Variants in STXBP5L observed in about 807,000 individuals in gnomAD.
STXBP5L encodes the protein syntaxin-binding protein 5-like.
Under a neutral mutation model 144.5 loss-of-function variants are expected in STXBP5L, and 65 were observed. The observed-to-expected ratio is 0.45, with a 90% CI of 0.37 to 0.55. The LOEUF (loss-of-function observed/expected upper bound fraction) is 0.55, where lower values mean the gene tolerates loss of function less well. Among genes scored for constraint, STXBP5L ranks in the 20% least tolerant of loss-of-function variants. The pLI, the probability that STXBP5L is intolerant of heterozygous loss-of-function variation, is 0.00. For missense variants in STXBP5L, 1,298 were observed against 1,405.5 expected, an observed-to-expected ratio of 0.92 and a Z score of 1.22; for synonymous variants, 505 against 469.6, an observed-to-expected ratio of 1.08 and a Z score of -0.97.
chr3:121,008,288 C>T (rs1315023684), intron 3 of STXBP5L, among the ~76,000 whole-genome samples: 4 of 151,956 alleles, frequency 2.6e-5, no homozygotes, highest in African/African-American at 7.2e-5. Context: ...CCTTTGCCAG[C>T]TGGTCTAGTG....
At chr3:121,092,543 G>T (rs1280197780) in intron 5 of STXBP5L, among the ~76,000 whole-genome samples, 3 of 152,154 alleles carry the variant, frequency 2.0e-5, no homozygotes, top group Non-Finnish European at 4.4e-5. Flanking sequence ...ATTGGGAATG[G>T]GAGTTCATTC....
intron 20 of STXBP5L, among the ~76,000 whole-genome samples, chr3:121,330,605 C>T (rs1037566046): frequency 2.6e-5 from 4 of 152,140 alleles, no homozygotes; most frequent in Admixed American, 6.5e-5. Flanking sequence ...CCCTGGGTAA[C>T]TAACATTAGA....
At chr3:120,998,522 T>C (rs1321679776) in intron 3 of STXBP5L, among the ~76,000 whole-genome samples, 1 of 152,082 alleles carries the variant, frequency 6.6e-6, no homozygotes, top group African/African-American at 2.4e-5. Flanking sequence ...CCTAATGCTA[T>C]CCCTCCCCTA....
intron 20 of STXBP5L, among the ~76,000 whole-genome samples, chr3:121,336,612 A>T (rs2044515884): frequency 6.6e-6 from 1 of 152,126 alleles, no homozygotes; most frequent in African/African-American, 2.4e-5. Context: ...AAAATAACAG[A>T]TGCTGCAAGG....
intron 15 of STXBP5L, among the ~76,000 whole-genome samples, chr3:121,252,143 T>C (rs1440684951): frequency 6.6e-6 from 1 of 152,102 alleles, no homozygotes; most frequent in African/African-American, 2.4e-5. Context: ...GCAGATTGCC[T>C]GAGCTCAGGA....
chr3:121,186,752 A>G (rs1354240411), intron 9 of STXBP5L, among the ~76,000 whole-genome samples: 1 of 152,176 alleles, frequency 6.6e-6, no homozygotes, highest in East Asian at 1.9e-4. Context: ...AAGTGGGCAA[A>G]GGGTATGAAC....
At chr3:121,199,780 T>C (rs2048066672) in intron 9 of STXBP5L, among the ~76,000 whole-genome samples, 2 of 152,196 alleles carry the variant, frequency 1.3e-5, no homozygotes, top group African/African-American at 2.4e-5. Context: ...TGTGATGGAT[T>C]ATGTTTATTG....
intron 22 of STXBP5L, among the ~76,000 whole-genome samples, chr3:121,391,966 C>A (rs1423252039): frequency 6.6e-6 from 1 of 152,170 alleles, no homozygotes; most frequent in African/African-American, 2.4e-5. Context: ...TTTAAGTCTG[C>A]AGAAGTTGTC....
At chr3:121,195,872 C>G (rs982273108) in intron 9 of STXBP5L, among the ~76,000 whole-genome samples, 3 of 152,130 alleles carry the variant, frequency 2.0e-5, no homozygotes, top group Non-Finnish European at 4.4e-5. Context: ...GGCCCTGCCC[C>G]CTGGGACACA....
chr3:121,093,354 T>C (rs1042780843), intron 5 of STXBP5L, among the ~76,000 whole-genome samples: 5 of 152,234 alleles, frequency 3.3e-5, no homozygotes, highest in African/African-American at 7.2e-5. Flanking sequence ...ATGGTACCAG[T>C]TCCTCCTTGT....
chr3:121,277,157 G>A (rs138701047), intron 18 of STXBP5L, among the ~76,000 whole-genome samples: 1 of 152,128 alleles, frequency 6.6e-6, no homozygotes, highest in Non-Finnish European at 1.5e-5. Flanking sequence ...CAAGGCACCA[G>A]TAGATTTGAT....
rs1442192819 is a variant in STXBP5L, at chr3:121,190,784, G to T, written c.878-15139G>T. On this transcript the variant is annotated intron_variant, in intron 9 of 26. Transcript: ENST00000471454. Reference sequence around the variant, plus strand: ...CGGAGGGGCTCCTCAATTCCCAGATGGGGCGGCTGCTGGGCGGAGGGGCTC... The same window carrying T: ...CGGAGGGGCTCCTCAATTCCCAGATTGGGCGGCTGCTGGGCGGAGGGGCTC... 7.5e-5 allele frequency among the ~76,000 whole-genome samples: 6 copies of T among 80,332 alleles called. No homozygotes were observed. The South Asian group carries it at 2.2e-3, about 30-fold the overall frequency. 52.7% of individuals were successfully genotyped at this position (80,332 alleles called of 152,430 possible). A position where few individuals can be genotyped will look rare whatever the true frequency, so the allele number is the denominator to read the frequency against.
At chr3:121,018,622 A>T (rs1218819875) in intron 3 of STXBP5L, among the ~76,000 whole-genome samples, 1 of 152,074 alleles carries the variant, frequency 6.6e-6, no homozygotes, top group Non-Finnish European at 1.5e-5. Context: ...ACACAAAATT[A>T]TAAAACTCTT....
intron 3 of STXBP5L, among the ~76,000 whole-genome samples, chr3:121,005,090 C>G (rs1294810908): frequency 1.3e-5 from 2 of 152,166 alleles, no homozygotes; most frequent in Non-Finnish European, 1.5e-5. Flanking sequence ...AGGATTCCCT[C>G]TATTTCTATT....
At chr3:121,111,385 G>A (rs758916315) in intron 5 of STXBP5L, among the ~76,000 whole-genome samples, 1 of 152,124 alleles carries the variant, frequency 6.6e-6, no homozygotes, top group African/African-American at 2.4e-5. Flanking sequence ...ATCTAGCTTT[G>A]GTCTTCGAGG....
At chr3:121,248,679 T>G (rs2049935510) in intron 14 of STXBP5L, among the ~76,000 whole-genome samples, 1 of 152,230 alleles carries the variant, frequency 6.6e-6, no homozygotes, top group Non-Finnish European at 1.5e-5. Context: ...TTTGGTTTTG[T>G]CACAATCATT....
intron 7 of STXBP5L, among the ~76,000 whole-genome samples, chr3:121,128,312 G>C (rs1214532923): frequency 6.6e-6 from 1 of 152,030 alleles, no homozygotes; most frequent in Non-Finnish European, 1.5e-5. Flanking sequence ...AGTAAATAAA[G>C]TAGAGATGTC....
At chr3:121,204,174 G>C (rs184708233) in intron 9 of STXBP5L, among the ~76,000 whole-genome samples, 1 of 152,136 alleles carries the variant, frequency 6.6e-6, no homozygotes, top group Non-Finnish European at 1.5e-5. Flanking sequence ...AGGAGGCAGA[G>C]GTTGCAATGA....
intron 5 of STXBP5L, among the ~76,000 whole-genome samples, chr3:121,055,361 T>A (rs1483427685): frequency 6.6e-6 from 1 of 152,150 alleles, no homozygotes; most frequent in Non-Finnish European, 1.5e-5. Context: ...CTCTTATGTT[T>A]ATGCTAAATG....
Sources: gnomAD v4.1 joint callset for allele counts (sites outside exome capture counted in the v4.1 genomes callset) on GRCh38, gnomAD v4.1.1 for gene constraint, MANE v1.5 for transcripts, NCBI Gene and HGNC (gene_info 2026-07-23, HGNC 2026-07-21) for gene names.